The following CHMP3 variants were observed in gnomAD, a reference collection of about 807,000 sequenced individuals.
The protein encoded by CHMP3 is charged multivesicular body protein 3.
Under a neutral mutation model 27.4 loss-of-function variants are expected in CHMP3, and 8 were observed. The ratio of observed to expected loss-of-function variants is 0.29; its 90% CI spans 0.17 to 0.53. The LOEUF (loss-of-function observed/expected upper bound fraction) is 0.53. Ranked by LOEUF, CHMP3 falls within the 20% of genes least tolerant of loss-of-function variation. CHMP3 has a pLI of 0.96. For synonymous variants in CHMP3, 86 were observed against 85.5 expected (o/e 1.01, Z -0.03); for missense variants, 208 against 271.5 (o/e 0.77, Z 1.64).
At chr2:86,528,872 C>T (rs1264707024) in intron 3 of CHMP3, among the ~76,000 whole-genome samples, 1 of 152,166 alleles carries the variant, frequency 6.6e-6, no homozygotes, top group Non-Finnish European at 1.5e-5. Flanking sequence ...TGGGGCTGCT[C>T]TGGACCTAGG....
intron 1 of CHMP3, among the ~76,000 whole-genome samples, chr2:86,557,143 C>A (rs1677159021): frequency 1.3e-5 from 2 of 152,212 alleles, no homozygotes; most frequent in South Asian, 4.1e-4. Flanking sequence ...CTGGCTCCTT[C>A]TCCTCCACTA....
chr2:86,530,356 TC>T (rs1675872629), intron 2 of CHMP3, among the ~76,000 whole-genome samples: 1 of 152,156 alleles, frequency 6.6e-6, no homozygotes, highest in Admixed American at 6.6e-5. Flanking sequence ...TCCCCATTTC[TC>T]CTTTCCCCTA....
At chr2:86,546,081 T>C (rs1056307399) in intron 1 of CHMP3, among the ~76,000 whole-genome samples, 14 of 151,978 alleles carry the variant, frequency 9.2e-5, no homozygotes, top group South Asian at 2.1e-4. Context: ...ACGTTGAGCA[T>C]TGAGTGAGCG....
At chr2:86,545,697 C>A (rs868199743) in intron 1 of CHMP3, among the ~76,000 whole-genome samples, 2 of 146,952 alleles carry the variant, frequency 1.4e-5, no homozygotes, top group African/African-American at 2.5e-5. Context: ...CCAGATAGGG[C>A]GGCCAGGCAG....
intron 1 of CHMP3, among the ~76,000 whole-genome samples, chr2:86,544,601 C>G (rs1403357618): frequency 6.6e-6 from 1 of 152,056 alleles, no homozygotes; most frequent in South Asian, 2.1e-4. Flanking sequence ...CTTGCACCAC[C>G]CTTAATCCAT....
chr2:86,563,430 C>T lies in CHMP3; in HGVS notation c.-82G>A. ...TCACGGGCAGCCGCCTGGGCGGGGC[C>T]CGCGGAAAAGGAGGTAGTCCCAACC... is the stretch of plus-strand genomic sequence containing the variant. On this transcript the variant is annotated 5_prime_UTR_variant, in exon 1 of 6. Transcript: ENST00000263856. 6.4e-7 allele frequency: 1 copy of T among 1,569,922 alleles called. No homozygotes were observed. The highest frequency in any genetic ancestry group is 8.7e-7 in the Non-Finnish European group (1 of 1,145,278).
intron 5 of CHMP3, chr2:86,507,217 C>T: frequency 6.1e-6 from 2 of 326,828 alleles, no homozygotes; most frequent in Non-Finnish European, 1.2e-5. Flanking sequence ...AAAGTCTACA[C>T]CAGTTTAAAA....
chr2:86,510,293 C>A, intron 4 of CHMP3, 65 bp downstream of exon 4: 1 of 1,540,212 alleles, frequency 6.5e-7, no homozygotes, highest in Non-Finnish European at 8.8e-7. Context: ...CATCCCTAGC[C>A]CCCTGTTACT....
rs1015382956 is a variant in CHMP3 at position 86,503,710 on chromosome 2, CTA to C, written c.*2092_*2093del. The C allele has an allele frequency of 2.0e-5, 3 of 152,218 alleles. No individual in the cohort carries two copies. The highest frequency in any genetic ancestry group is 7.2e-5 in the African/African-American group (3 of 41,458). The allele number at this position is 152,218 out of a possible 1,614,324, so 9.4% of individuals were successfully genotyped here. A position where few individuals can be genotyped will look rare whatever the true frequency, so the allele number is the denominator to read the frequency against. On this transcript the variant is annotated 3_prime_UTR_variant, in exon 6 of 6. Coordinates refer to ENST00000263856, the MANE Select transcript of CHMP3 (RefSeq NM_016079.4). ...GAAGCCAGTCTGAAAAGGCTACATA[CTA>C]TATGATTCCAATATGACATTCTAGA...
intron 3 of CHMP3, among the ~76,000 whole-genome samples, chr2:86,515,685 A>G (rs1459744431): frequency 6.6e-6 from 1 of 152,170 alleles, no homozygotes; most frequent in Non-Finnish European, 1.5e-5. Flanking sequence ...ACTGTGCCTG[A>G]CACAGCCAAC....
At chr2:86,528,300 C>A (rs982409807) in intron 3 of CHMP3, among the ~76,000 whole-genome samples, 1 of 152,166 alleles carries the variant, frequency 6.6e-6, no homozygotes, top group Non-Finnish European at 1.5e-5. Context: ...TGAAAATATT[C>A]TTCAGTGAAA....
At chr2:86,546,887 T>C (rs1038731360) in intron 1 of CHMP3, among the ~76,000 whole-genome samples, 1 of 152,236 alleles carries the variant, frequency 6.6e-6, no homozygotes, top group Non-Finnish European at 1.5e-5. Flanking sequence ...AGTAGACCCT[T>C]TACTGATATG....
intron 1 of CHMP3, among the ~76,000 whole-genome samples, chr2:86,556,792 C>G (rs940968894): frequency 6.6e-6 from 1 of 152,164 alleles, no homozygotes; most frequent in African/African-American, 2.4e-5. Context: ...ACACCCTCCT[C>G]GGGGTCTGTG....
chr2:86,509,904 C>G (rs951875577), intron 4 of CHMP3, among the ~76,000 whole-genome samples: 5 of 152,204 alleles, frequency 3.3e-5, no homozygotes, highest in African/African-American at 1.2e-4. Flanking sequence ...AGACCCTGAT[C>G]CTGGGGGTGG....
chr2:86,545,445 C>CA (rs1676539140), intron 1 of CHMP3, among the ~76,000 whole-genome samples: 1 of 132,002 alleles, frequency 7.6e-6, no homozygotes, highest in Non-Finnish European at 1.6e-5. Context: ...GCGCTCCTCA[C>CA]TCCCCACTTC....
chr2:86,523,673 T>C (rs1675599974), intron 3 of CHMP3, among the ~76,000 whole-genome samples: 1 of 152,104 alleles, frequency 6.6e-6, no homozygotes, highest in South Asian at 2.1e-4. Flanking sequence ...CCTACCCTCC[T>C]CCCTTCCACT....
At chr2:86,508,510 A>G (rs1475721398) in intron 4 of CHMP3, among the ~76,000 whole-genome samples, 1 of 152,172 alleles carries the variant, frequency 6.6e-6, no homozygotes, top group Non-Finnish European at 1.5e-5. Flanking sequence ...GGTGGAGGGC[A>G]TGGGTTCAGG....
At chr2:86,507,454 G>A in intron 5 of CHMP3, 25 bp downstream of exon 5, 1 of 1,601,674 alleles carries the variant, frequency 6.2e-7, no homozygotes, top group African/African-American at 1.3e-5. Context: ...AAAGAGAGGA[G>A]AAAGGATGGA....
At chr2:86,523,197 T>G (rs1368145545) in intron 3 of CHMP3, among the ~76,000 whole-genome samples, 1 of 152,152 alleles carries the variant, frequency 6.6e-6, no homozygotes, top group African/African-American at 2.4e-5. Flanking sequence ...CCTTCCGTGT[T>G]GGGAATGCAC....
Sources: allele counts gnomAD v4.1 joint callset (sites outside exome capture counted in the v4.1 genomes callset), GRCh38; gene constraint gnomAD v4.1.1; transcripts MANE v1.5; gene names NCBI Gene and HGNC (gene_info 2026-07-23, HGNC 2026-07-21).